The following LTF variants were observed in gnomAD, a reference collection of about 807,000 sequenced individuals.
The protein encoded by LTF is lactotransferrin.
A neutral mutation model predicts 87.2 loss-of-function variants in LTF; 91 were observed. That is an observed-to-expected ratio of 1.04 (90% CI 0.88 to 1.24). The LOEUF (loss-of-function observed/expected upper bound fraction) is 1.24, where lower values mean the gene tolerates loss of function less well. Among genes scored for constraint, LTF ranks in the 50% most tolerant of loss-of-function variants. The pLI, the probability that LTF is intolerant of heterozygous loss-of-function variation, is 0.00. For missense variants in LTF, 901 were observed against 904.3 expected (o/e 1.00, Z 0.05); for synonymous variants, 378 against 356.1 (o/e 1.06, Z -0.69).
intron 6 of LTF, 95 bp from the exon 7 acceptor site, chr3:46,450,768 T>C: frequency 2.8e-6 from 3 of 1,074,520 alleles, no homozygotes; most frequent in South Asian, 3.0e-5. Flanking sequence ...AATTTTGAGC[T>C]TGGGGAGATA....
upstream of LTF, among the ~76,000 whole-genome samples, chr3:46,467,621 CT>C (rs1242990792): frequency 1.4e-5 from 2 of 147,870 alleles, no homozygotes; most frequent in Admixed American, 6.8e-5. Context: ...GCCAGGAATT[CT>C]TTTTTTCTTT....
rs1382454642 is a variant in LTF at position 46,436,242 on chromosome 3, A to G, written c.2099-13T>C. 1 of 1,613,198 alleles carries G rather than the reference A, an allele frequency of 6.2e-7. No individual in the cohort carries two copies. Among genetic ancestry groups the G allele is most frequent in the Non-Finnish European group, 8.5e-7 (1 of 1,179,088 alleles). On this transcript the variant is annotated splice_polypyrimidine_tract_variant and intron_variant, in intron 16 of 16. Coordinates refer to ENST00000231751, the MANE Select transcript of LTF (RefSeq NM_002343.6). The stretch of plus-strand genomic sequence containing the variant: ...GCTTCCAGGAGGGCTGTGGGACACA[A>G]CAGAGCAAGAGATTCAGAAACTGAT...
chr3:46,484,522 C>A (rs1703491617), intron 1 of LTF, among the ~76,000 whole-genome samples: 1 of 152,166 alleles, frequency 6.6e-6, no homozygotes, highest in Admixed American at 6.5e-5. Context: ...TACCCTTGCT[C>A]CCCTAAAAAA....
Position 46,450,558 on chromosome 3 carries a change from G to A in LTF, c.819C>T (p.Ala273=), listed in dbSNP as rs746471709. ...DCHLARVPSH[A]VVARSVNGKE... Reference sequence around the variant, plus strand: ...TGCCATTCACACTTCGTGCCACAACGGCATGAGAAGGGACCCGGGCCAGAT... The same window carrying A: ...TGCCATTCACACTTCGTGCCACAACAGCATGAGAAGGGACCCGGGCCAGAT... Residue 273 remains alanine (A), a synonymous_variant, in exon 7 of 17, where the codon GCC becomes GCT. Transcript: ENST00000231751. 61 of 1,613,998 alleles carry A rather than the reference G, an allele frequency of 3.8e-5. No individual in the cohort carries two copies. Among genetic ancestry groups the A allele is most frequent in the African/African-American group, 1.2e-4 (9 of 74,932 alleles).
At chr3:46,437,004 T>C (rs548347424) in intron 16 of LTF, among the ~76,000 whole-genome samples, 7 of 152,310 alleles carry the variant, frequency 4.6e-5, no homozygotes, top group African/African-American at 1.4e-4. Context: ...TTGTCTCTCA[T>C]TGAAAACTAC....
chr3:46,438,940 G>C (rs1702450360), intron 15 of LTF, among the ~76,000 whole-genome samples: 1 of 152,078 alleles, frequency 6.6e-6, no homozygotes, highest in Admixed American at 6.6e-5. Context: ...AATGTCACCT[G>C]AGTAAAAAGC....
In LTF at chr3:46,456,388, G is replaced by T. The variant is rs1702935052; in HGVS notation, c.218C>A (p.Ala73Asp). Residue 73 changes from alanine to aspartate, a missense_variant, in exon 3 of 17, where the codon GCC becomes GAC. Ala to Asp is a moderately radical substitution (Grantham distance 126, BLOSUM62 -2). Coordinates refer to ENST00000231751, the MANE Select transcript of LTF (RefSeq NM_002343.6). ...ACCACCATCAAGGGTCACAGCATCG[G>T]CCCTGTTTTCCTGAAAGTAAAGAGG... ...QCIQAIAENR[A>D]DAVTLDGGFI... The T allele has an allele frequency of 6.2e-7, 1 of 1,613,982 alleles. No individual in the cohort carries two copies. The highest frequency in any genetic ancestry group is 8.5e-7 in the Non-Finnish European group (1 of 1,179,868).
intron 5 of LTF, among the ~76,000 whole-genome samples, chr3:46,454,696 C>T (rs1702882918): frequency 6.6e-6 from 1 of 152,170 alleles, no homozygotes; most frequent in African/African-American, 2.4e-5. Context: ...ACTGAGTGTG[C>T]AGGTGTGCCC....
chr3:46,469,985 C>T (rs1302451811), intron 2 of LTF, among the ~76,000 whole-genome samples: 1 of 152,172 alleles, frequency 6.6e-6, no homozygotes, highest in East Asian at 1.9e-4. Context: ...AACCCTCCTC[C>T]TCTGCAGGAC....
intron 8 of LTF, among the ~76,000 whole-genome samples, chr3:46,449,508 A>G (rs544633014): frequency 1.2e-4 from 18 of 152,112 alleles, no homozygotes; most frequent in African/African-American, 3.6e-4. Context: ...GGTGTCCCCA[A>G]CTAAGTTCAA....
intron 8 of LTF, among the ~76,000 whole-genome samples, chr3:46,449,393 G>A (rs559263637): frequency 5.3e-5 from 8 of 152,222 alleles, no homozygotes; most frequent in South Asian, 2.1e-4. Flanking sequence ...TTCCCCTAAC[G>A]CCTGCAATCA....
At position 46,447,294 on chromosome 3, in the gene LTF, C is replaced by T; in HGVS notation, c.1303+14G>A. On this transcript the variant is annotated intron_variant, in intron 10 of 16. Transcript: ENST00000231751. ...CCCAGAGGGAATATACCAGAGGATG[C>T]TAACTCCACTTACTGTAGTTCTCTG... is the stretch of plus-strand genomic sequence containing the variant. 6.2e-7 allele frequency: 1 copy of T among 1,608,896 alleles called. No homozygotes were observed. Among genetic ancestry groups the T allele is most frequent in the Non-Finnish European group, 8.5e-7 (1 of 1,175,290 alleles).
chr3:46,482,643 AGAAAGAAAGAAAGAAAGAAGGAAGGAAG>A lies in LTF; in HGVS notation c.-320+2315_-320+2342del, dbSNP rs1372611975. Reference sequence around the variant, plus strand: ...AAGAAAGAAAGAAAGAAAGAAAGAAAGAAAGAAAGAAAGAAAGAAGGAAGGAAGGAAGGAAGGAAGGAAGGAAGGAAGG... The same window carrying A: ...AAGAAAGAAAGAAAGAAAGAAAGAAAGAAGGAAGGAAGGAAGGAAGGAAGG... On this transcript the variant is annotated intron_variant, in intron 1 of 19. Coordinates refer to the LTF transcript ENST00000443496. 1.3e-4 allele frequency among the ~76,000 whole-genome samples: 13 copies of A among 100,420 alleles called. 1 individual carries two copies. The highest frequency in any genetic ancestry group is 1.9e-4 in the Non-Finnish European group (9 of 48,268). 65.9% of individuals were successfully genotyped at this position (100,420 alleles called of 152,430 possible).
At chr3:46,482,577 AAGGAAGGG>A (rs1214677281) in intron 1 of LTF, among the ~76,000 whole-genome samples, 2 of 142,974 alleles carry the variant, frequency 1.4e-5, no homozygotes, top group Admixed American at 7.1e-5. Flanking sequence ...AGGGAAAGGA[AAGGAAGGG>A]AGAAAGAGAG....
upstream of LTF, among the ~76,000 whole-genome samples, chr3:46,467,995 T>C (rs901589409): frequency 1.3e-5 from 2 of 152,210 alleles, no homozygotes; most frequent in African/African-American, 4.8e-5. Context: ...TTTTCTCATA[T>C]TTCCTACCGC....
At position 46,446,034 on chromosome 3, in the gene LTF, G is replaced by A. The variant is rs532078329; in HGVS notation, c.1357+406C>T. Reference sequence around the variant, plus strand: ...ACCAGCTCTGGTGGGCAGGAGGAGTGGTGCACAGAGCACTGGGACACGAGT... The same window carrying A: ...ACCAGCTCTGGTGGGCAGGAGGAGTAGTGCACAGAGCACTGGGACACGAGT... On this transcript the variant is annotated intron_variant, in intron 11 of 16. Coordinates refer to ENST00000231751, the MANE Select transcript of LTF (RefSeq NM_002343.6). Among the ~76,000 whole-genome samples, 18 of 152,306 alleles carry A rather than the reference G, an allele frequency of 1.2e-4. 1 individual carries two copies. In the South Asian group the frequency reaches 3.7e-3, roughly 32 times the overall value.
intron 4 of LTF, 91 bp from the exon 5 acceptor site, chr3:46,455,533 G>A (rs1244689077): frequency 1.3e-6 from 2 of 1,495,774 alleles, no homozygotes; most frequent in Admixed American, 3.7e-5. Context: ...CGTGGGCAAG[G>A]CCCCTTCCTC....
At chr3:46,439,237 T>A in intron 15 of LTF, 59 bp downstream of exon 15, 2 of 1,506,510 alleles carry the variant, frequency 1.3e-6, no homozygotes. Flanking sequence ...CTCTGTGATC[T>A]CCTCACCTAA....
At chr3:46,454,182 G>T (rs1382358422) in intron 6 of LTF, 123 bp downstream of exon 6, 2 of 845,094 alleles carry the variant, frequency 2.4e-6, no homozygotes, top group Non-Finnish European at 4.1e-6. Flanking sequence ...TCAGAGCTGT[G>T]CCCTGTAGGA....
Sources: allele counts gnomAD v4.1 joint callset (sites outside exome capture counted in the v4.1 genomes callset), GRCh38; gene constraint gnomAD v4.1.1; transcripts MANE v1.5; gene names NCBI Gene and HGNC (gene_info 2026-07-23, HGNC 2026-07-21).